The following PHLDB2 variants were observed in gnomAD, a reference collection of about 807,000 sequenced individuals.
The protein encoded by PHLDB2 is pleckstrin homology like domain family B member 2, also known as pleckstrin homology-like domain family B member 2.
A neutral mutation model predicts 123.6 loss-of-function variants in PHLDB2; 71 were observed. The ratio of observed to expected loss-of-function variants is 0.57; its 90% CI spans 0.47 to 0.70. PHLDB2 has a LOEUF of 0.70. PHLDB2 is among the 30% of genes least tolerant of loss of function. PHLDB2 has a pLI of 0.00. For missense variants in PHLDB2, 1,446 were observed against 1,519.5 expected, an observed-to-expected ratio of 0.95 and a Z score of 0.80; for synonymous variants, 547 against 541.6, an observed-to-expected ratio of 1.01 and a Z score of -0.14.
intron 1 of PHLDB2, among the ~76,000 whole-genome samples, chr3:111,772,493 C>T (rs1208499401): frequency 6.6e-6 from 1 of 152,032 alleles, no homozygotes; most frequent in Non-Finnish European, 1.5e-5. Flanking sequence ...TTTGGTTTAA[C>T]CCCAAAGCTG....
At chr3:111,845,828 C>G in exon 2 of PHLDB2, 1 of 1,614,124 alleles carries the variant, frequency 6.2e-7, no homozygotes. Flanking sequence ...CAGGCTGGCA[C>G]TGATCCCAGT....
intron 5 of PHLDB2, among the ~76,000 whole-genome samples, chr3:111,922,168 T>C (rs1190261807): frequency 6.6e-6 from 1 of 152,206 alleles, no homozygotes; most frequent in Non-Finnish European, 1.5e-5. Context: ...AACATAGGAA[T>C]TAGGTATCAT....
At chr3:111,897,507 G>A (rs2066944064) in intron 2 of PHLDB2, among the ~76,000 whole-genome samples, 1 of 152,192 alleles carries the variant, frequency 6.6e-6, no homozygotes, top group Admixed American at 6.5e-5. Flanking sequence ...GCTTTGCTCT[G>A]GTGAAGTCTA....
At chr3:111,804,729 C>A (rs1164582140) in intron 1 of PHLDB2, among the ~76,000 whole-genome samples, 1 of 152,120 alleles carries the variant, frequency 6.6e-6, no homozygotes, top group Admixed American at 6.5e-5. Context: ...GGGGGGAAAA[C>A]TTTGCTAAAC....
chr3:111,852,351 A>G (rs2064294517), intron 2 of PHLDB2, among the ~76,000 whole-genome samples: 1 of 148,412 alleles, frequency 6.7e-6, no homozygotes. Context: ...TAAAGATCAT[A>G]TATAATACAC....
At chr3:111,894,960 G>A (rs929024384) in intron 2 of PHLDB2, among the ~76,000 whole-genome samples, 1 of 151,702 alleles carries the variant, frequency 6.6e-6, no homozygotes, top group African/African-American at 2.4e-5. Flanking sequence ...ATGTATGTAT[G>A]TGTGGGTCTG....
intron 2 of PHLDB2, among the ~76,000 whole-genome samples, chr3:111,899,129 A>G (rs987486193): frequency 1.3e-5 from 2 of 152,238 alleles, no homozygotes; most frequent in African/African-American, 4.8e-5. Context: ...AAAAGACTTG[A>G]AAGCCAAAAT....
intron 1 of PHLDB2, among the ~76,000 whole-genome samples, chr3:111,753,160 AC>A (rs1379307139): frequency 1.3e-5 from 2 of 150,864 alleles, no homozygotes; most frequent in Non-Finnish European, 3.0e-5. Context: ...TTGGGTATAT[AC>A]CCAGTAATGG....
chr3:111,755,407 C>A (rs1466795835), intron 1 of PHLDB2, among the ~76,000 whole-genome samples: 1 of 143,090 alleles, frequency 7.0e-6, no homozygotes, highest in African/African-American at 2.6e-5. Flanking sequence ...GGAATTTATC[C>A]ATTTCTTCTA....
chr3:111,902,031 C>T (rs1461690671), intron 2 of PHLDB2, among the ~76,000 whole-genome samples: 1 of 152,024 alleles, frequency 6.6e-6, no homozygotes, highest in African/African-American at 2.4e-5. Context: ...AGTTCACCTC[C>T]AACCTTAATA....
chr3:111,957,747 T>C (rs770329387), intron 12 of PHLDB2, among the ~76,000 whole-genome samples: 3 of 152,212 alleles, frequency 2.0e-5, no homozygotes, highest in Admixed American at 1.3e-4. Flanking sequence ...ATAGTTTAAA[T>C]GATTGGCTTG....
intron 1 of PHLDB2, among the ~76,000 whole-genome samples, chr3:111,752,250 G>GTT: frequency 7.3e-6 from 1 of 137,088 alleles, no homozygotes; most frequent in African/African-American, 2.7e-5. Flanking sequence ...GTCTGTGTCT[G>GTT]TGTGTGTGTG....
intron 16 of PHLDB2, among the ~76,000 whole-genome samples, chr3:111,970,398 GTGAT>G (rs1331962763): frequency 1.3e-5 from 2 of 152,168 alleles, no homozygotes; most frequent in Non-Finnish European, 2.9e-5. Context: ...GGAGAGGTTT[GTGAT>G]TGATTGATTG....
chr3:111,805,894 G>A (rs2061564696), intron 1 of PHLDB2, among the ~76,000 whole-genome samples: 1 of 142,410 alleles, frequency 7.0e-6, no homozygotes, highest in Admixed American at 7.4e-5. Flanking sequence ...AAGAAGTCAA[G>A]AAAGAAGCCA....
At chr3:111,828,146 C>A (rs2062756080) in intron 1 of PHLDB2, among the ~76,000 whole-genome samples, 1 of 152,216 alleles carries the variant, frequency 6.6e-6, no homozygotes, top group African/African-American at 2.4e-5. Context: ...TACACAGAAC[C>A]AGTGTATTTC....
intron 1 of PHLDB2, among the ~76,000 whole-genome samples, chr3:111,736,554 T>A (rs1031177986): frequency 6.6e-6 from 1 of 152,174 alleles, no homozygotes; most frequent in Non-Finnish European, 1.5e-5. Context: ...TTGTTCTTTT[T>A]TAAATTAAAT....
chr3:111,875,001 A>G (rs1263940722), intron 1 of PHLDB2, among the ~76,000 whole-genome samples: 2 of 152,236 alleles, frequency 1.3e-5, no homozygotes, highest in Non-Finnish European at 2.9e-5. Flanking sequence ...AGCTTTATTC[A>G]TATCAGAGAA....
At chr3:111,789,654 T>C (rs561302611) in intron 1 of PHLDB2, among the ~76,000 whole-genome samples, 60 of 151,900 alleles carry the variant, frequency 3.9e-4, no homozygotes, top group African/African-American at 1.3e-3. Context: ...ATAGCAATGG[T>C]AATAGCTTAC....
chr3:111,920,498 C>T (rs2068433545), intron 5 of PHLDB2, 79 bp downstream of exon 5: 1 of 1,515,070 alleles, frequency 6.6e-7, no homozygotes, highest in Non-Finnish European at 8.9e-7. Context: ...ATGTTGAATG[C>T]ATTACTGGGG....
Sources: allele counts gnomAD v4.1 joint callset (sites outside exome capture counted in the v4.1 genomes callset), GRCh38; gene constraint gnomAD v4.1.1; transcripts MANE v1.5; gene names NCBI Gene and HGNC (gene_info 2026-07-23, HGNC 2026-07-21).